PYROXD2: variants seen among roughly 807,000 people sequenced by gnomAD.
PYROXD2 encodes the protein pyridine nucleotide-disulphide oxidoreductase domain 2.
A neutral mutation model predicts 71.1 loss-of-function variants in PYROXD2; 69 were observed. That is an observed-to-expected ratio of 0.97 (90% CI 0.80 to 1.19). The LOEUF is 1.19. Ranked by LOEUF, PYROXD2 falls within the 50% of genes most tolerant of loss-of-function variation. PYROXD2 has a pLI of 0.00. For missense variants in PYROXD2, 745 were observed against 748.9 expected, an observed-to-expected ratio of 0.99 and a Z score of 0.06; for synonymous variants, 287 against 302.7, an observed-to-expected ratio of 0.95 and a Z score of 0.54.
chr10:98,408,491 G>A (rs942806), intron 2 of PYROXD2, among the ~76,000 whole-genome samples: 52,496 of 152,082 alleles, frequency 0.35, 9,835 homozygotes, highest in South Asian at 0.49. Context: ...ACATGCAAAA[G>A]TGGGGCTGAT....
chr10:98,409,275 T>C (rs2136029531), intron 2 of PYROXD2, among the ~76,000 whole-genome samples: 1 of 152,264 alleles, frequency 6.6e-6, no homozygotes, highest in Non-Finnish European at 1.5e-5. Context: ...TCTTTATCAA[T>C]TACTGCTCTC....
intron 1 of PYROXD2, 160 bp from the exon 2 acceptor site, chr10:98,411,118 T>TG: frequency 9.2e-6 from 9 of 979,754 alleles, no homozygotes; most frequent in Non-Finnish European, 1.4e-5. Flanking sequence ...GAACAGCATC[T>TG]AGTTCAACTC....
chr10:98,397,285 CA>C lies in PYROXD2; in HGVS notation c.625+59del. ...TCAGGCTTGTGTCTAGGCATCGAGA[CA>C]ATGGGCTCACCTCCTTGAAGGTCAC... On this transcript the variant is annotated intron_variant, in intron 6 of 15. Coordinates refer to ENST00000370575, the MANE Select transcript of PYROXD2 (RefSeq NM_032709.3). The C allele has an allele frequency of 5.3e-6, 8 of 1,497,316 alleles. No homozygotes were observed. The South Asian group carries it at 1.1e-4, about 20-fold the overall frequency. The allele number at this position is 1,497,316 out of a possible 1,614,324, so 92.8% of individuals were successfully genotyped here.
chr10:98,396,968 T>C (rs1255530167), intron 6 of PYROXD2, among the ~76,000 whole-genome samples: 1 of 152,166 alleles, frequency 6.6e-6, no homozygotes, highest in African/African-American at 2.4e-5. Flanking sequence ...ATGCTTTTCA[T>C]AAGGCTTCCC....
chr10:98,397,978 G>T (rs1843255506), intron 5 of PYROXD2, among the ~76,000 whole-genome samples: 1 of 144,756 alleles, frequency 6.9e-6, no homozygotes, highest in Non-Finnish European at 1.5e-5. Context: ...TGCCTCCCAG[G>T]TTCAAGTGAT....
intron 1 of PYROXD2, among the ~76,000 whole-genome samples, chr10:98,413,581 GT>G: frequency 6.6e-6 from 1 of 152,208 alleles, no homozygotes; most frequent in East Asian, 1.9e-4. Context: ...GGGCGTGGTG[GT>G]GGGCGCCTGT....
chr10:98,386,867 G>A (rs1432396630), intron 14 of PYROXD2, among the ~76,000 whole-genome samples: 1 of 152,202 alleles, frequency 6.6e-6, no homozygotes, highest in Non-Finnish European at 1.5e-5. Flanking sequence ...AAATTGACAA[G>A]TCTGAGGATG....
Position 98,390,611 on chromosome 10 carries a change from G to C in PYROXD2, c.1279C>G (p.Leu427Val). 5 of 1,595,646 alleles carry C rather than the reference G, an allele frequency of 3.1e-6. No individual in the cohort carries two copies. The highest frequency in any genetic ancestry group is 4.3e-6 in the Non-Finnish European group (5 of 1,170,608). The change falls in exon 12 of 16, where the codon CTG (leucine) becomes GTG (valine). Residue 427 changes from leucine (L) to valine (V), a missense_variant. Coordinates refer to ENST00000370575, the MANE Select transcript of PYROXD2 (RefSeq NM_032709.3). ...CAGGGCCCCTACCTGTGGGAAGGCA[G>C]GCCATCCATGGCATCTTCAAAGGCC... ...HQAFEDAMDG[L>V]PSHRPVIELC... is the part of the protein sequence containing the mutation.
At chr10:98,392,824 A>G (rs1202407237) in intron 9 of PYROXD2, 118 bp downstream of exon 9, 2 of 1,263,576 alleles carry the variant, frequency 1.6e-6, no homozygotes, top group African/African-American at 3.0e-5. Flanking sequence ...TGATTCTGCA[A>G]CCCATCCCCT....
At chr10:98,410,254 C>T (rs1843740690) in intron 2 of PYROXD2, among the ~76,000 whole-genome samples, 1 of 152,180 alleles carries the variant, frequency 6.6e-6, no homozygotes, top group Non-Finnish European at 1.5e-5. Flanking sequence ...TGTTCTAGAG[C>T]TGCTGCTGCT....
intron 4 of PYROXD2, among the ~76,000 whole-genome samples, chr10:98,403,281 C>T (rs1206528954): frequency 6.6e-6 from 1 of 152,220 alleles, no homozygotes; most frequent in Non-Finnish European, 1.5e-5. Context: ...TCCTGGTCAT[C>T]CTTGACATCC....
intron 1 of PYROXD2, among the ~76,000 whole-genome samples, chr10:98,413,278 A>G (rs1224894335): frequency 6.6e-6 from 1 of 152,248 alleles, no homozygotes; most frequent in Non-Finnish European, 1.5e-5. Context: ...GGTCAGGCTT[A>G]AGAAAGTGAT....
chr10:98,384,001 G>A (rs1307662448), intron 15 of PYROXD2, 133 bp from the exon 16 acceptor site: 1 of 756,352 alleles, frequency 1.3e-6, no homozygotes, highest in East Asian at 2.5e-5. Flanking sequence ...CATGGGCACT[G>A]GAATCACCTA....
Position 98,391,005 on chromosome 10 carries a change from C to T in PYROXD2, c.1135+5G>A, listed in dbSNP as rs781348599. On this transcript the variant is annotated splice_donor_5th_base_variant and intron_variant, in intron 11 of 15. Coordinates refer to ENST00000370575, the MANE Select transcript of PYROXD2 (RefSeq NM_032709.3). ...GACAGTGCTGCAATGTGGTGTGCCT[C>T]TTACCATTGATCTTGGTGACAGGCG... 9 of 1,607,762 alleles carry T rather than the reference C, an allele frequency of 5.6e-6. No homozygotes were observed. The highest frequency in any genetic ancestry group is 2.2e-5 in the East Asian group (1 of 44,854).
At chr10:98,409,886 T>C (rs1843728687) in intron 2 of PYROXD2, among the ~76,000 whole-genome samples, 1 of 152,156 alleles carries the variant, frequency 6.6e-6, no homozygotes, top group Admixed American at 6.5e-5. Flanking sequence ...GAGATCAGCC[T>C]GGCCAACATG....
At chr10:98,410,325 T>C (rs1273471327) in intron 2 of PYROXD2, among the ~76,000 whole-genome samples, 1 of 152,146 alleles carries the variant, frequency 6.6e-6, no homozygotes, top group Admixed American at 6.5e-5. Context: ...CTCCTGGAGG[T>C]ATCTGGACTC....
intron 4 of PYROXD2, among the ~76,000 whole-genome samples, chr10:98,400,933 A>T (rs1283250186): frequency 2.0e-5 from 3 of 152,180 alleles, no homozygotes; most frequent in Non-Finnish European, 4.4e-5. Flanking sequence ...ACTGGAGGCA[A>T]CTGTAATCCA....
chr10:98,388,971 C>A (rs1035233461), intron 12 of PYROXD2, among the ~76,000 whole-genome samples: 2 of 152,136 alleles, frequency 1.3e-5, no homozygotes, highest in African/African-American at 4.8e-5. Context: ...TGACCTGCTT[C>A]CCACCCCACC....
rs761477791 is a variant in PYROXD2 at position 98,387,255 on chromosome 10, G to A, written c.1500C>T (p.Gly500=). The A allele has an allele frequency of 6.2e-7, 1 of 1,614,010 alleles. No individual in the cohort carries two copies. The highest frequency in any genetic ancestry group is 8.5e-7 in the Non-Finnish European group (1 of 1,180,010). The part of the protein sequence containing the change: ...YAPGFKDSVV[G]RDILTPPDLE... ...AATCTGGTGGTGTGAGGATGTCTCTGCCAACCACAGAGTCCTTGAAGCCAG... is the reference window on the plus strand; with the variant it reads ...AATCTGGTGGTGTGAGGATGTCTCTACCAACCACAGAGTCCTTGAAGCCAG... The change falls in exon 14 of 16, where the codon GGC becomes GGT. Residue 500 remains glycine, a synonymous_variant. Transcript: ENST00000370575.
Sources: gnomAD v4.1 joint callset for allele counts (sites outside exome capture counted in the v4.1 genomes callset) on GRCh38, gnomAD v4.1.1 for gene constraint, MANE v1.5 for transcripts, NCBI Gene and HGNC (gene_info 2026-07-23, HGNC 2026-07-21) for gene names.